FSCN1: variants seen among roughly 807,000 people sequenced by gnomAD.
FSCN1 encodes the protein fascin.
In FSCN1, 10 loss-of-function variants were observed where a neutral mutation model predicts 39.7. The ratio of observed to expected loss-of-function variants is 0.25; its 90% CI spans 0.16 to 0.43. The LOEUF is 0.43. Among genes scored for constraint, FSCN1 ranks in the 20% least tolerant of loss-of-function variants. The probability of loss-of-function intolerance (pLI) is 1.00; values close to 1 mark genes in which losing one functional copy is unlikely to be tolerated. For synonymous variants in FSCN1, 322 were observed against 320.0 expected, an observed-to-expected ratio of 1.01 and a Z score of -0.07; for missense variants, 525 against 723.8, an observed-to-expected ratio of 0.73 and a Z score of 3.15.
intron 1 of FSCN1, among the ~76,000 whole-genome samples, chr7:5,602,269 T>C (rs1351120466): frequency 1.3e-5 from 2 of 151,718 alleles, no homozygotes; most frequent in Non-Finnish European, 2.9e-5. Context: ...ACTCCTGGTC[T>C]CAAATGATCC....
chr7:5,593,323 C>T lies in FSCN1; in HGVS notation c.387C>T (p.Ala129=), dbSNP rs1438826589. ...LSCFAQTVSP[A]EKWSVHIAMH... ...GCTTCGCGCAGACGGTGTCCCCCGC[C>T]GAGAAGTGGAGCGTGCACATCGCCA... Residue 129 remains alanine, a synonymous_variant, in exon 1 of 5, where the codon GCC becomes GCT. Coordinates refer to ENST00000382361, the MANE Select transcript of FSCN1 (RefSeq NM_003088.4). 6.2e-7 allele frequency: 1 copy of T among 1,611,422 alleles called. No individual in the cohort carries two copies. Among genetic ancestry groups the T allele is most frequent in the East Asian group, 2.2e-5 (1 of 44,866 alleles).
At chr7:5,602,407 C>T (rs2128549920) in intron 1 of FSCN1, among the ~76,000 whole-genome samples, 1 of 152,130 alleles carries the variant, frequency 6.6e-6, no homozygotes, top group South Asian at 2.1e-4. Context: ...TACATAGAAG[C>T]AGGAACAATA....
intron 1 of FSCN1, among the ~76,000 whole-genome samples, chr7:5,597,256 C>A (rs1336141044): frequency 6.6e-6 from 1 of 152,238 alleles, no homozygotes; most frequent in Admixed American, 6.5e-5. Flanking sequence ...GTCGTCCCAG[C>A]TACTCAGGAG....
Position 5,605,130 on chromosome 7 carries a change from C to T in FSCN1, c.1280-142C>T, listed in dbSNP as rs576656758. ...CATCATGGACAGGAGGACGTGCGGG[C>T]CATAGGGACCCTGGCTCATTCCGGA... On this transcript the variant is annotated intron_variant, in intron 4 of 4. Transcript: ENST00000382361. The surrounding 1 kb of genome is among the most constrained non-coding windows in gnomAD (Gnocchi z 6.9). 1.5e-5 allele frequency: 10 copies of T among 645,968 alleles called. No individual in the cohort carries two copies. The highest frequency in any genetic ancestry group is 1.1e-4 in the Admixed American group (4 of 37,416). The allele number at this position is 645,968 out of a possible 1,614,324, so 40.0% of individuals were successfully genotyped here. A position where few individuals can be genotyped will look rare whatever the true frequency, so the allele number is the denominator to read the frequency against.
chr7:5,600,447 G>A (rs1289187775), intron 1 of FSCN1, among the ~76,000 whole-genome samples: 1 of 152,076 alleles, frequency 6.6e-6, no homozygotes, highest in Non-Finnish European at 1.5e-5. Context: ...CTATAGCTTA[G>A]GGGAGCAAAA....
rs558407436 is a variant in FSCN1 at position 5,603,026 on chromosome 7, C to T, written c.833-231C>T. On this transcript the variant is annotated intron_variant, in intron 1 of 4. Coordinates refer to ENST00000382361, the MANE Select transcript of FSCN1 (RefSeq NM_003088.4). The surrounding 1 kb of genome is among the most constrained non-coding windows in gnomAD (Gnocchi z 8.5). The stretch of plus-strand genomic sequence containing the variant: ...TCCCTGGCCCCTATTATTTCTCTAA[C>T]TGGGGAAAGTCATGTGGGAACAGAT... 4.9e-5 allele frequency: 28 copies of T among 574,584 alleles called. No homozygotes were observed. Among genetic ancestry groups the T allele is most frequent in the Non-Finnish European group, 3.7e-5 (12 of 321,974 alleles). The allele number at this position is 574,584 out of a possible 1,614,324, so 35.6% of individuals were successfully genotyped here.
intron 4 of FSCN1, among the ~76,000 whole-genome samples, chr7:5,604,771 G>T (rs1785902311): frequency 6.6e-6 from 1 of 152,186 alleles, no homozygotes; most frequent in African/African-American, 2.4e-5. Flanking sequence ...GAGTAGCTGG[G>T]ACTATGTGTG....
Position 5,603,111 on chromosome 7 carries a change from C to T in FSCN1, c.833-146C>T, listed in dbSNP as rs1785863453. ...CGTTCCTGGGTGCTCTCTGCTGCTT[C>T]TCATGTGTGCCACTGTGGGGACTCG... On this transcript the variant is annotated intron_variant, in intron 1 of 4. Transcript: ENST00000382361. This position sits in a 1 kb window ranked among gnomAD's most constrained non-coding sequence, Gnocchi z 8.5. 4.8e-6 allele frequency: 4 copies of T among 832,828 alleles called. No homozygotes were observed. The highest frequency in any genetic ancestry group is 7.7e-6 in the Non-Finnish European group (4 of 520,096). 51.6% of individuals were successfully genotyped at this position (832,828 alleles called of 1,614,324 possible). A position where few individuals can be genotyped will look rare whatever the true frequency, so the allele number is the denominator to read the frequency against.
chr7:5,600,554 G>T (rs1347165586), intron 1 of FSCN1, among the ~76,000 whole-genome samples: 1 of 151,458 alleles, frequency 6.6e-6, no homozygotes, highest in Admixed American at 6.6e-5. Context: ...GTGCAGTGGC[G>T]GATCTCAGCT....
intron 1 of FSCN1, among the ~76,000 whole-genome samples, chr7:5,597,808 G>A (rs915465195): frequency 3.9e-5 from 6 of 152,124 alleles, no homozygotes; most frequent in African/African-American, 1.4e-4. Context: ...ACTGTGAGGG[G>A]AGGACAGGCA....
chr7:5,604,808 T>C (rs1785903244), intron 4 of FSCN1, among the ~76,000 whole-genome samples: 1 of 152,142 alleles, frequency 6.6e-6, no homozygotes, highest in African/African-American at 2.4e-5. Flanking sequence ...GCTAATTTTT[T>C]TGTATTTTTC....
intron 4 of FSCN1, among the ~76,000 whole-genome samples, chr7:5,604,530 G>A (rs1199613713): frequency 6.6e-6 from 1 of 152,056 alleles, no homozygotes; most frequent in Non-Finnish European, 1.5e-5. Context: ...CTGCAGTGGC[G>A]TTATCTCGGC....
At chr7:5,602,464 G>A (rs1185226089) in intron 1 of FSCN1, among the ~76,000 whole-genome samples, 4 of 151,974 alleles carry the variant, frequency 2.6e-5, no homozygotes, top group African/African-American at 9.7e-5. Flanking sequence ...GTTCCGCTGT[G>A]CTGCAGCCCC....
rs59162058 is a variant in FSCN1, at chr7:5,603,217, C to T, written c.833-40C>T. On this transcript the variant is annotated intron_variant, in intron 1 of 4. Transcript: ENST00000382361. This position sits in a 1 kb window ranked among gnomAD's most constrained non-coding sequence, Gnocchi z 8.5. ...GCTATGGTCTGCCAGAACTAGGGGG[C>T]GTGGGGCCCCAGTACCAGCCCAAGG... 0.026 allele frequency: 41,052 copies of T among 1,607,160 alleles called. 669 individuals carry two copies. Among genetic ancestry groups the T allele is most frequent in the South Asian group, 0.045 (4,056 of 90,708 alleles).
At chr7:5,604,291 G>A (rs528293380) in intron 4 of FSCN1, among the ~76,000 whole-genome samples, 1 of 151,630 alleles carries the variant, frequency 6.6e-6, no homozygotes. Context: ...GGGAGGGGAA[G>A]GAGAGCAGGG....
chr7:5,594,073 C>T lies in FSCN1; in HGVS notation c.832+305C>T, dbSNP rs10225265. The T allele has an allele frequency of 1.9e-3, 702 of 377,960 alleles. 5 individuals carry two copies. Among genetic ancestry groups the T allele is most frequent in the African/African-American group, 0.014 (632 of 45,020 alleles). The allele number at this position is 377,960 out of a possible 1,614,324, so 23.4% of individuals were successfully genotyped here. A position where few individuals can be genotyped will look rare whatever the true frequency, so the allele number is the denominator to read the frequency against. On this transcript the variant is annotated intron_variant, in intron 1 of 4. Transcript: ENST00000382361. ...CCCCCCCCCGCCCAATCTTGGCTCT[C>T]CCCACGCGCGCTGATCCCTCGGATC...
intron 1 of FSCN1, among the ~76,000 whole-genome samples, chr7:5,595,108 A>G (rs1032196914): frequency 2.0e-5 from 3 of 152,146 alleles, no homozygotes; most frequent in African/African-American, 7.2e-5. Flanking sequence ...AGATGGCTGG[A>G]CGGGAGCCCA....
In FSCN1 at chr7:5,603,125, T is replaced by C; in HGVS notation, c.833-132T>C. 1 of 958,050 alleles carries C rather than the reference T, an allele frequency of 1.0e-6. No homozygotes were observed. Among genetic ancestry groups the C allele is most frequent in the Non-Finnish European group, 1.6e-6 (1 of 626,774 alleles). 59.3% of individuals were successfully genotyped at this position (958,050 alleles called of 1,614,324 possible). On this transcript the variant is annotated intron_variant, in intron 1 of 4. Transcript: ENST00000382361. The surrounding 1 kb of genome is among the most constrained non-coding windows in gnomAD (Gnocchi z 8.5). ...CTCTGCTGCTTCTCATGTGTGCCAC[T>C]GTGGGGACTCGGCCGCCCACCCCAC...
At chr7:5,598,470 TGCCGCCA>T (rs1462117520) in intron 1 of FSCN1, among the ~76,000 whole-genome samples, 1 of 152,252 alleles carries the variant, frequency 6.6e-6, no homozygotes, top group East Asian at 1.9e-4. Context: ...GCCCCGTGGC[TGCCGCCA>T]GTTAAGCCCT....
Sources: allele counts gnomAD v4.1 joint callset (sites outside exome capture counted in the v4.1 genomes callset), GRCh38; gene constraint gnomAD v4.1.1; non-coding constraint Gnocchi (gnomAD v3.1); transcripts MANE v1.5; gene names NCBI Gene and HGNC (gene_info 2026-07-23, HGNC 2026-07-21).